AAK1: variants seen among roughly 807,000 people sequenced by gnomAD.
The protein encoded by AAK1 is AP2-associated protein kinase 1.
Under a neutral mutation model 116.0 loss-of-function variants are expected in AAK1, and 37 were observed. The ratio of observed to expected loss-of-function variants is 0.32; its 90% confidence interval spans 0.25 to 0.42. AAK1 has a LOEUF of 0.42. Ranked by LOEUF, AAK1 falls within the 10% of genes least tolerant of loss-of-function variation. The pLI, the probability that AAK1 is intolerant of heterozygous loss-of-function variation, is 1.00. For missense variants in AAK1, 919 were observed against 1,170.6 expected (o/e 0.79, Z 3.14); for synonymous variants, 458 against 439.9 (o/e 1.04, Z -0.51).
intron 2 of AAK1, among the ~76,000 whole-genome samples, chr2:69,636,475 A>G (rs1675449907): frequency 6.6e-6 from 1 of 152,212 alleles, no homozygotes; most frequent in Admixed American, 6.5e-5. Flanking sequence ...CAAATAAACA[A>G]GCACACATAC....
intron 16 of AAK1, among the ~76,000 whole-genome samples, chr2:69,505,139 A>C (rs1018730630): frequency 1.4e-5 from 2 of 147,792 alleles, no homozygotes; most frequent in Admixed American, 6.8e-5. Flanking sequence ...ACACACCCAC[A>C]CACACACACA....
intron 2 of AAK1, among the ~76,000 whole-genome samples, chr2:69,615,108 C>T (rs1674265578): frequency 6.6e-6 from 1 of 152,162 alleles, no homozygotes; most frequent in East Asian, 1.9e-4. Flanking sequence ...ATGTTGCTGT[C>T]CTCTTTCCTC....
intron 11 of AAK1, 128 bp downstream of exon 11, chr2:69,520,706 C>G: frequency 5.3e-6 from 6 of 1,132,418 alleles, no homozygotes; most frequent in Non-Finnish European, 7.3e-6. Context: ...TCCTGTTCCT[C>G]AAGGAACACT....
rs944622594 is a variant in AAK1 at position 69,474,765 on chromosome 2, T to C, written c.*1104A>G. 4.1e-6 allele frequency: 4 copies of C among 985,722 alleles called. No homozygotes were observed. The African/African-American group carries it at 7.0e-5, about 17-fold the overall frequency. The allele number at this position is 985,722 out of a possible 1,614,324, so 61.1% of individuals were successfully genotyped here. A position where few individuals can be genotyped will look rare whatever the true frequency, so the allele number is the denominator to read the frequency against. On this transcript the variant is annotated 3_prime_UTR_variant, in exon 22 of 22. Coordinates refer to ENST00000409085, the MANE Select transcript of AAK1 (RefSeq NM_014911.5). ...CAAGTCTATTCAAAATGATTCCATATGTTACACTGTAGGATTGTTGTGTAG... is the reference window on the plus strand; with the variant it reads ...CAAGTCTATTCAAAATGATTCCATACGTTACACTGTAGGATTGTTGTGTAG...
At chr2:69,629,289 G>C (rs1026633636) in intron 2 of AAK1, among the ~76,000 whole-genome samples, 4 of 152,204 alleles carry the variant, frequency 2.6e-5, no homozygotes, top group African/African-American at 9.7e-5. Flanking sequence ...ACTAGAAAAT[G>C]AATGTATGCT....
At chr2:69,600,657 T>C (rs1181805666) in intron 2 of AAK1, among the ~76,000 whole-genome samples, 1 of 152,222 alleles carries the variant, frequency 6.6e-6, no homozygotes, top group African/African-American at 2.4e-5. Flanking sequence ...GTGAACATTG[T>C]TGAAATGACA....
intron 2 of AAK1, among the ~76,000 whole-genome samples, chr2:69,579,918 C>T (rs1672472884): frequency 1.3e-5 from 2 of 152,174 alleles, no homozygotes; most frequent in Non-Finnish European, 2.9e-5. Flanking sequence ...GTAATTTTCA[C>T]AGGCACCCCA....
At chr2:69,570,886 C>T (rs1324830300) in intron 2 of AAK1, among the ~76,000 whole-genome samples, 2 of 152,162 alleles carry the variant, frequency 1.3e-5, no homozygotes, top group Non-Finnish European at 2.9e-5. Flanking sequence ...TGCCTCTGTG[C>T]TTTTCTGTAT....
At chr2:69,524,911 G>T in intron 10 of AAK1, 122 bp downstream of exon 10, 1 of 893,876 alleles carries the variant, frequency 1.1e-6, no homozygotes, top group Non-Finnish European at 1.8e-6. Flanking sequence ...GACAGAGCTT[G>T]CTTTCCTGAT....
intron 2 of AAK1, among the ~76,000 whole-genome samples, chr2:69,616,298 A>T (rs1453849613): frequency 6.6e-6 from 1 of 152,176 alleles, no homozygotes; most frequent in Admixed American, 6.5e-5. Flanking sequence ...GCCCAGCTGC[A>T]CAACATTGTT....
intron 5 of AAK1, among the ~76,000 whole-genome samples, chr2:69,538,350 G>A (rs74974131): frequency 0.028 from 4,301 of 152,298 alleles, 277 homozygotes; most frequent in East Asian, 0.18. Flanking sequence ...AGTGAAGGAA[G>A]AGGCTGGGGC....
chr2:69,485,330 CTGGTGA>C (rs1558899675), intron 17 of AAK1, among the ~76,000 whole-genome samples: 3 of 152,230 alleles, frequency 2.0e-5, no homozygotes, highest in Non-Finnish European at 4.4e-5. Context: ...TCTAGCCTCT[CTGGTGA>C]CATGTTGTGA....
chr2:69,468,283 T>C lies in AAK1; in HGVS notation c.*7586A>G, dbSNP rs1014339152. ...CAGGCAAGTAAATTGATATTAGATT[T>C]GTCTCAGTGATACCAAGATGATAAT... On this transcript the variant is annotated 3_prime_UTR_variant, in exon 22 of 22. Coordinates refer to ENST00000409085, the MANE Select transcript of AAK1 (RefSeq NM_014911.5). 5.1e-6 allele frequency: 5 copies of C among 985,214 alleles called. No homozygotes were observed. The African/African-American group carries it at 8.7e-5, about 17-fold the overall frequency. 61.0% of individuals were successfully genotyped at this position (985,214 alleles called of 1,614,324 possible).
At chr2:69,562,490 G>A (rs1671684880) in intron 2 of AAK1, among the ~76,000 whole-genome samples, 2 of 152,176 alleles carry the variant, frequency 1.3e-5, no homozygotes, top group Non-Finnish European at 2.9e-5. Context: ...TTTGCTGGGA[G>A]AAGACAGTGA....
At chr2:69,530,932 G>A (rs1440274808) in intron 6 of AAK1, among the ~76,000 whole-genome samples, 1 of 152,108 alleles carries the variant, frequency 6.6e-6, no homozygotes, top group Non-Finnish European at 1.5e-5. Context: ...AAGAACATGT[G>A]GGGACTCAGA....
At chr2:69,616,287 T>C (rs987189031) in intron 2 of AAK1, among the ~76,000 whole-genome samples, 2 of 152,174 alleles carry the variant, frequency 1.3e-5, no homozygotes, top group Non-Finnish European at 2.9e-5. Context: ...CCAGCCACCA[T>C]GCCCAGCTGC....
At chr2:69,626,562 C>T (rs995723818) in intron 2 of AAK1, among the ~76,000 whole-genome samples, 1 of 151,116 alleles carries the variant, frequency 6.6e-6, no homozygotes, top group African/African-American at 2.4e-5. Context: ...TGAGGTGGCG[C>T]GATCACAGCT....
At chr2:69,598,820 C>T (rs1257113170) in intron 2 of AAK1, 6 of 213,492 alleles carry the variant, frequency 2.8e-5, no homozygotes, top group East Asian at 3.1e-4. Flanking sequence ...TAATGTCCCA[C>T]CCCTTTTCTT....
Position 69,466,982 on chromosome 2 carries a change from A to T in AAK1, c.*8887T>A, listed in dbSNP as rs1674507708. 1 of 985,460 alleles carries T rather than the reference A, an allele frequency of 1.0e-6. No homozygotes were observed. The highest frequency in any genetic ancestry group is 1.7e-5 in the African/African-American group (1 of 57,370). 61.0% of individuals were successfully genotyped at this position (985,460 alleles called of 1,614,324 possible). On this transcript the variant is annotated 3_prime_UTR_variant, in exon 22 of 22. Transcript: ENST00000409085. The stretch of plus-strand genomic sequence containing the variant: ...GGGATGACTCAATTCAGAATCTGGC[A>T]TGTGGTCATCCGCGCCACATGCAGA...
Sources: gnomAD v4.1 joint callset for allele counts (sites outside exome capture counted in the v4.1 genomes callset) on GRCh38, gnomAD v4.1.1 for gene constraint, MANE v1.5 for transcripts, NCBI Gene and HGNC (gene_info 2026-07-23, HGNC 2026-07-21) for gene names.